SNX9: variants seen among roughly 807,000 people sequenced by gnomAD.
SNX9 encodes the protein sorting nexin-9.
In SNX9, 44 loss-of-function variants were observed where a neutral mutation model predicts 89.4. That is an observed-to-expected ratio of 0.49 (90% CI 0.39 to 0.63). The LOEUF is 0.63. Ranked by LOEUF, SNX9 falls within the 30% of genes least tolerant of loss-of-function variation. The probability of loss-of-function intolerance (pLI) is 0.00; values close to 1 mark genes in which losing one functional copy is unlikely to be tolerated. For synonymous variants in SNX9, 236 were observed against 247.8 expected, an observed-to-expected ratio of 0.95 and a Z score of 0.45; for missense variants, 578 against 736.1, an observed-to-expected ratio of 0.79 and a Z score of 2.49.
At chr6:157,824,987 C>T (rs954206251) in intron 1 of SNX9, among the ~76,000 whole-genome samples, 3 of 152,154 alleles carry the variant, frequency 2.0e-5, no homozygotes, top group Non-Finnish European at 2.9e-5. Flanking sequence ...CTCACTCCCA[C>T]CTGTAATTCC....
At chr6:157,934,295 T>G (rs893496566) in intron 13 of SNX9, 7 of 149,054 alleles carry the variant, frequency 4.7e-5, no homozygotes, top group African/African-American at 1.5e-4. Context: ...ATAAAAATTC[T>G]TAAATGATTA....
chr6:157,929,869 C>A (rs77815825), intron 12 of SNX9, among the ~76,000 whole-genome samples: 448 of 152,330 alleles, frequency 2.9e-3, no homozygotes, highest in African/African-American at 0.01. Context: ...CAATCCAGAT[C>A]TGAAAATCCA....
At chr6:157,923,512 T>C (rs146835567) in intron 10 of SNX9, among the ~76,000 whole-genome samples, 80 of 152,082 alleles carry the variant, frequency 5.3e-4, no homozygotes, top group African/African-American at 1.7e-3. Flanking sequence ...ACAAAAGATC[T>C]ACATAGAAAA....
At chr6:157,908,231 CT>C (rs1783259129) in intron 7 of SNX9, among the ~76,000 whole-genome samples, 1 of 152,098 alleles carries the variant, frequency 6.6e-6, no homozygotes, top group Non-Finnish European at 1.5e-5. Context: ...TTTTTACTTT[CT>C]TATGGTACTT....
At chr6:157,851,350 A>C (rs1307965649) in intron 1 of SNX9, among the ~76,000 whole-genome samples, 1 of 152,188 alleles carries the variant, frequency 6.6e-6, no homozygotes, top group East Asian at 1.9e-4. Context: ...AGTGGTAAAA[A>C]TACATAACAT....
Position 157,926,720 on chromosome 6 carries a change from A to G in SNX9, c.1081-391A>G, listed in dbSNP as rs528497309. 1.9e-4 allele frequency among the ~76,000 whole-genome samples: 29 copies of G among 150,640 alleles called. No individual in the cohort carries two copies. In the Middle Eastern group the frequency reaches 0.014, roughly 72 times the overall value. On this transcript the variant is annotated intron_variant, in intron 10 of 17. Transcript: ENST00000392185. ...TGCTTGAACCTGGAAGCTCAAGGAT[A>G]CAGTGAGCTGAGATCATGCCACTGT...
rs548169368 is a variant in SNX9, at chr6:157,922,847, A to G, written c.1080+1186A>G. ...CACACTGTGTGTCATGTAGCTATATAGTAGTGAAACTAAGTTCTTTGAATT... is the reference window on the plus strand; with the variant it reads ...CACACTGTGTGTCATGTAGCTATATGGTAGTGAAACTAAGTTCTTTGAATT... On this transcript the variant is annotated intron_variant, in intron 10 of 17. Transcript: ENST00000392185. Among the ~76,000 whole-genome samples the G allele has an allele frequency of 1.2e-4, 18 of 152,352 alleles. 1 individual carries two copies. The highest frequency in any genetic ancestry group is 4.1e-4 in the African/African-American group (17 of 41,588).
intron 4 of SNX9, chr6:157,892,783 C>G (rs1192828051): frequency 1.3e-5 from 2 of 152,240 alleles, no homozygotes; most frequent in African/African-American, 4.8e-5. Context: ...CGAACATTCA[C>G]TCTCCTGTTC....
chr6:157,873,202 T>C (rs1280701031), intron 3 of SNX9, 26 bp downstream of exon 3: 2 of 1,524,298 alleles, frequency 1.3e-6, no homozygotes, highest in Non-Finnish European at 1.8e-6. Context: ...CATTCATTCA[T>C]TAGAGCTCAT....
Position 157,896,864 on chromosome 6 carries a change from C to G in SNX9, c.338C>G (p.Ala113Gly), listed in dbSNP as rs781305781. The change falls in exon 5 of 18, where the codon GCC becomes GGC. Residue 113 changes from alanine to glycine, a missense_variant. By Grantham distance (60) the Ala-to-Gly change is moderately conservative. This residue lies in a region of SNX9 where 230 missense variants were observed against 244.7 expected (regional missense o/e 0.94). Transcript: ENST00000392185. ...AATGACCCCTGGTCAGCCTGGAGTG[C>G]CTCCAAATCTGGGAACTGGGAAAGC... ...SGNDPWSAWS[A>G]SKSGNWESSE... 6.2e-7 allele frequency: 1 copy of G among 1,613,266 alleles called. No homozygotes were observed. The highest frequency in any genetic ancestry group is 8.5e-7 in the Non-Finnish European group (1 of 1,179,774).
intron 1 of SNX9, among the ~76,000 whole-genome samples, chr6:157,863,326 G>T (rs986167444): frequency 6.6e-6 from 1 of 152,218 alleles, no homozygotes; most frequent in African/African-American, 2.4e-5. Flanking sequence ...TGCACACTTG[G>T]TATTCTAGTG....
chr6:157,890,510 G>C (rs1782835584), intron 4 of SNX9, among the ~76,000 whole-genome samples: 1 of 152,190 alleles, frequency 6.6e-6, no homozygotes, highest in Admixed American at 6.5e-5. Flanking sequence ...TGGGCCTAAA[G>C]GGGCATTTGA....
chr6:157,861,268 A>G (rs1462484352), intron 1 of SNX9, among the ~76,000 whole-genome samples: 1 of 152,216 alleles, frequency 6.6e-6, no homozygotes, highest in East Asian at 1.9e-4. Flanking sequence ...GCTTCTCAAC[A>G]TTTAAGGAAA....
At chr6:157,857,215 C>T (rs1782030455) in intron 1 of SNX9, among the ~76,000 whole-genome samples, 1 of 152,190 alleles carries the variant, frequency 6.6e-6, no homozygotes, top group East Asian at 1.9e-4. Flanking sequence ...ATTTGGACAG[C>T]AAGCTCATCT....
intron 4 of SNX9, among the ~76,000 whole-genome samples, chr6:157,878,072 G>T (rs1782553067): frequency 6.6e-6 from 1 of 152,018 alleles, no homozygotes; most frequent in African/African-American, 2.4e-5. Flanking sequence ...CTTTCTTTTG[G>T]TTTTTCTTAA....
intron 6 of SNX9, among the ~76,000 whole-genome samples, chr6:157,905,149 A>C (rs918318708): frequency 2.6e-5 from 4 of 152,122 alleles, no homozygotes; most frequent in Non-Finnish European, 5.9e-5. Context: ...TGCAGGACAC[A>C]TCTGGTCTCT....
intron 4 of SNX9, chr6:157,892,741 C>A (rs749726354): frequency 6.6e-6 from 1 of 152,202 alleles, no homozygotes; most frequent in Non-Finnish European, 1.5e-5. Flanking sequence ...GGCCAGTTTG[C>A]TAAGACTGAA....
chr6:157,860,171 A>T (rs1416659026), intron 1 of SNX9, among the ~76,000 whole-genome samples: 1 of 152,228 alleles, frequency 6.6e-6, no homozygotes, highest in East Asian at 1.9e-4. Context: ...GTTTTGTATG[A>T]TACAGCCATT....
Position 157,942,822 on chromosome 6 carries a change from G to T in SNX9, c.1772G>T (p.Arg591Leu). 1 of 1,613,826 alleles carries T rather than the reference G, an allele frequency of 6.2e-7. No homozygotes were observed. The highest frequency in any genetic ancestry group is 2.2e-5 in the East Asian group (1 of 44,868). Residue 591 changes from arginine to leucine, a missense_variant, in exon 18 of 18, where the codon CGC (arginine) becomes CTC (leucine). Arg to Leu is a moderately radical substitution (Grantham distance 102). Transcript: ENST00000392185. ...GAAAAGCTGAGGCAGGCCCTCAGCC[G>T]CTTTCCAGTGATGTAGGACAGAACG... ...IAEKLRQALS[R>L]FPVM
Sources: allele counts gnomAD v4.1 joint callset (sites outside exome capture counted in the v4.1 genomes callset), GRCh38; gene constraint gnomAD v4.1.1; regional missense constraint gnomAD v4.1.1; transcripts MANE v1.5; gene names NCBI Gene and HGNC (gene_info 2026-07-23, HGNC 2026-07-21).